Variants in OSBP2 observed in about 807,000 individuals in gnomAD.
OSBP2 encodes the protein oxysterol binding protein 2.
In OSBP2, 66 loss-of-function variants were observed where a neutral mutation model predicts 96.0. That is an observed-to-expected ratio of 0.69 (90% CI 0.56 to 0.84). The LOEUF (loss-of-function observed/expected upper bound fraction) is 0.84. OSBP2 is among the 40% of genes least tolerant of loss of function. The probability of loss-of-function intolerance (pLI) is 0.00; values close to 1 mark genes in which losing one functional copy is unlikely to be tolerated. For synonymous variants in OSBP2, 525 were observed against 520.9 expected (o/e 1.01, Z -0.11); for missense variants, 1,038 against 1,222.7 (o/e 0.85, Z 2.25).
At chr22:30,824,863 C>T (rs1044353231) in intron 2 of OSBP2, among the ~76,000 whole-genome samples, 1 of 152,120 alleles carries the variant, frequency 6.6e-6, no homozygotes, top group Non-Finnish European at 1.5e-5. Flanking sequence ...AAGGTCTGGG[C>T]GTATGGAGGT....
chr22:30,741,894 A>G (rs908068298), intron 2 of OSBP2, among the ~76,000 whole-genome samples: 2 of 150,064 alleles, frequency 1.3e-5, no homozygotes, highest in Non-Finnish European at 2.9e-5. Flanking sequence ...ATCTCGGCTC[A>G]CTGCAACCTC....
intron 2 of OSBP2, among the ~76,000 whole-genome samples, chr22:30,767,556 T>TC (rs2090291834): frequency 6.6e-6 from 1 of 151,978 alleles, no homozygotes; most frequent in African/African-American, 2.4e-5. Context: ...TTTTTTTTTT[T>TC]TTTTAACATA....
At chr22:30,906,156 G>A (rs780881643) in intron 13 of OSBP2, 41 bp from the exon 14 acceptor site, 10 of 1,613,164 alleles carry the variant, frequency 6.2e-6, no homozygotes, top group Non-Finnish European at 5.9e-6. Flanking sequence ...GGGGGAGCAG[G>A]CCACAAGCCC....
chr22:30,867,207 T>TGTGATTCCACCTGCCACCA (rs1396309647), intron 2 of OSBP2, among the ~76,000 whole-genome samples: 1 of 152,174 alleles, frequency 6.6e-6, no homozygotes, highest in Non-Finnish European at 1.5e-5. Flanking sequence ...TCTATCCGCC[T>TGTGATTCCACCTGCCACCA]GTGATTCCAC....
At chr22:30,864,606 G>T (rs1394079511) in intron 2 of OSBP2, among the ~76,000 whole-genome samples, 2 of 152,074 alleles carry the variant, frequency 1.3e-5, no homozygotes, top group Admixed American at 6.5e-5. Context: ...CCCCGCCCAG[G>T]ACCCCGTGAG....
rs148957286 is a variant in OSBP2 at position 30,765,694 on chromosome 22, T to C, written c.853+24325T>C. On this transcript the variant is annotated intron_variant, in intron 2 of 13. Coordinates refer to ENST00000332585, the MANE Select transcript of OSBP2 (RefSeq NM_030758.4). ...GTTTAATTCAGCTTTACTCCACATA[T>C]TTATTTAATGTGCTGGATCCAGGAA... Among the ~76,000 whole-genome samples, 345 of 152,336 alleles carry C rather than the reference T, an allele frequency of 2.3e-3. 2 individuals carry two copies. The highest frequency in any genetic ancestry group is 7.7e-3 in the African/African-American group (320 of 41,576).
chr22:30,824,345 C>T lies in OSBP2; in HGVS notation c.854-46084C>T, dbSNP rs139449970. 8.0e-3 allele frequency among the ~76,000 whole-genome samples: 1,220 copies of T among 152,242 alleles called. 18 individuals carry two copies. Among genetic ancestry groups the T allele is most frequent in the Non-Finnish European group, 8.3e-3 (563 of 68,026 alleles). Reference sequence around the variant, plus strand: ...GCTGCACCGGAGGGAGGAGGCCCAGCGGCGAGTGCAGCAGTCAAGAGCAGC... The same window carrying T: ...GCTGCACCGGAGGGAGGAGGCCCAGTGGCGAGTGCAGCAGTCAAGAGCAGC... On this transcript the variant is annotated intron_variant, in intron 2 of 13. Transcript: ENST00000332585.
At chr22:30,803,548 A>C (rs561079141) in intron 2 of OSBP2, among the ~76,000 whole-genome samples, 1 of 152,188 alleles carries the variant, frequency 6.6e-6, no homozygotes, top group Non-Finnish European at 1.5e-5. Flanking sequence ...GCCCCGAGCA[A>C]CCTAGCCACT....
chr22:30,906,086 A>C lies in OSBP2; in HGVS notation c.2608+17A>C. 7.4e-7 allele frequency: 1 copy of C among 1,348,358 alleles called. No homozygotes were observed. Among genetic ancestry groups the C allele is most frequent in the Non-Finnish European group, 9.9e-7 (1 of 1,009,296 alleles). 83.5% of individuals were successfully genotyped at this position (1,348,358 alleles called of 1,614,324 possible). On this transcript the variant is annotated intron_variant, in intron 13 of 13. Coordinates refer to ENST00000332585, the MANE Select transcript of OSBP2 (RefSeq NM_030758.4). ...CGGAGGAAGGTGAGGCCGGGCGGGA[A>C]GGGCGCCCCGGAGGGGAGGAAAGGG...
rs562494810 is a variant in OSBP2 at position 30,778,347 on chromosome 22, CTG to C, written c.853+36981_853+36982del. On this transcript the variant is annotated intron_variant, in intron 2 of 13. Transcript: ENST00000332585. Reference sequence around the variant, plus strand: ...CACACACACACACCCACTGACAGCGCTGTGGCCACCACCGTGTTCTCCTTTCC... The same window carrying C: ...CACACACACACACCCACTGACAGCGCTGGCCACCACCGTGTTCTCCTTTCC... Among the ~76,000 whole-genome samples, 18 of 144,396 alleles carry C rather than the reference CTG, an allele frequency of 1.2e-4. 1 individual carries two copies. In the South Asian group the frequency reaches 3.9e-3, roughly 31 times the overall value. The allele number at this position is 144,396 out of a possible 152,430, so 94.7% of individuals were successfully genotyped here. A position where few individuals can be genotyped will look rare whatever the true frequency, so the allele number is the denominator to read the frequency against.
chr22:30,736,101 A>T (rs145244532), intron 1 of OSBP2, among the ~76,000 whole-genome samples: 1 of 151,936 alleles, frequency 6.6e-6, no homozygotes, highest in Non-Finnish European at 1.5e-5. Context: ...TTTAGTGGAG[A>T]TGGGGTTTCA....
At chr22:30,843,849 T>TA (rs1316247634) in intron 2 of OSBP2, among the ~76,000 whole-genome samples, 1 of 151,608 alleles carries the variant, frequency 6.6e-6, no homozygotes, top group Non-Finnish European at 1.5e-5. Flanking sequence ...GCCTGGGTAA[T>TA]AGAGTGAGAC....
intron 3 of OSBP2, among the ~76,000 whole-genome samples, chr22:30,885,265 G>A (rs1262710835): frequency 2.0e-5 from 3 of 152,164 alleles, no homozygotes; most frequent in Non-Finnish European, 2.9e-5. Context: ...GGCAGCTGGG[G>A]CCACTGATGC....
intron 2 of OSBP2, among the ~76,000 whole-genome samples, chr22:30,748,401 CATTTAAATTGTTTATTGTTCAT>C (rs2090034321): frequency 6.6e-6 from 1 of 152,104 alleles, no homozygotes; most frequent in Non-Finnish European, 1.5e-5. Flanking sequence ...ACCCCCGAAC[CATTTAAATTGTTTATTGTTCAT>C]CTCCTCAATA....
chr22:30,776,419 T>C (rs554880523), intron 2 of OSBP2, among the ~76,000 whole-genome samples: 1 of 152,266 alleles, frequency 6.6e-6, no homozygotes, highest in South Asian at 2.1e-4. Context: ...GTACTGCACC[T>C]GGCCTAATAA....
At chr22:30,734,985 G>A (rs1176553527) in intron 1 of OSBP2, among the ~76,000 whole-genome samples, 1 of 152,186 alleles carries the variant, frequency 6.6e-6, no homozygotes, top group Non-Finnish European at 1.5e-5. Flanking sequence ...GAGCTCAGGA[G>A]TTCAAGACCA....
chr22:30,896,928 A>C (rs187868416), intron 12 of OSBP2, among the ~76,000 whole-genome samples: 1 of 152,302 alleles, frequency 6.6e-6, no homozygotes, highest in Admixed American at 6.5e-5. Flanking sequence ...GATTATAGGC[A>C]CAAGCCACCA....
intron 2 of OSBP2, among the ~76,000 whole-genome samples, chr22:30,829,071 G>A (rs1316184846): frequency 6.6e-6 from 1 of 152,132 alleles, no homozygotes; most frequent in African/African-American, 2.4e-5. Context: ...GTGTGGAGGC[G>A]ATGGGGCTGG....
intron 1 of OSBP2, among the ~76,000 whole-genome samples, chr22:30,713,204 T>C (rs1356547353): frequency 1.3e-5 from 2 of 151,114 alleles, no homozygotes; most frequent in Non-Finnish European, 2.9e-5. Flanking sequence ...TCAGCCACCC[T>C]AGTAGCTGGG....
Sources: allele counts gnomAD v4.1 joint callset (sites outside exome capture counted in the v4.1 genomes callset), GRCh38; gene constraint gnomAD v4.1.1; transcripts MANE v1.5; gene names NCBI Gene and HGNC (gene_info 2026-07-23, HGNC 2026-07-21).